Variants in NCOA1 observed in about 807,000 individuals in gnomAD.
The protein encoded by NCOA1 is nuclear receptor coactivator 1.
In NCOA1, 35 loss-of-function variants were observed where a neutral mutation model predicts 150.9. The observed-to-expected ratio is 0.23, with a 90% CI of 0.18 to 0.31. NCOA1 has a LOEUF of 0.31. Ranked by LOEUF, NCOA1 falls within the 10% of genes least tolerant of loss-of-function variation. The pLI is 1.00. For missense variants in NCOA1, 1,491 were observed against 1,749.3 expected (o/e 0.85, Z 2.63); for synonymous variants, 590 against 630.0 (o/e 0.94, Z 0.95).
intron 7 of NCOA1, among the ~76,000 whole-genome samples, chr2:24,674,585 A>T (rs2148522496): frequency 6.6e-6 from 1 of 152,272 alleles, no homozygotes; most frequent in African/African-American, 2.4e-5. Context: ...CGCACATCTA[A>T]TGAGAGGGTA....
At chr2:24,722,447 T>C (rs1258128196) in intron 14 of NCOA1, among the ~76,000 whole-genome samples, 1 of 152,228 alleles carries the variant, frequency 6.6e-6, no homozygotes, top group Admixed American at 6.5e-5. Flanking sequence ...TTTTGAAAAT[T>C]TCCAGTCATG....
intron 4 of NCOA1, among the ~76,000 whole-genome samples, chr2:24,654,439 A>AT (rs1361351383): frequency 6.6e-6 from 1 of 152,184 alleles, no homozygotes; most frequent in Non-Finnish European, 1.5e-5. Flanking sequence ...AAAGTATATC[A>AT]TTTTTTATAC....
rs776934570 is a variant in NCOA1, at chr2:24,610,163, C to T, written c.-175+25603C>T. The stretch of plus-strand genomic sequence containing the variant: ...TTTTTTTTTGAGACAGAGTCTCTGT[C>T]GCTCAGGCTGGAGTGCAGTGGCGTG... On this transcript the variant is annotated intron_variant, in intron 3 of 22. Coordinates refer to ENST00000348332, the MANE Select transcript of NCOA1 (RefSeq NM_003743.5). Among the ~76,000 whole-genome samples, 11 of 126,160 alleles carry T rather than the reference C, an allele frequency of 8.7e-5. No individual in the cohort carries two copies. The Admixed American group carries it at 8.9e-4, about 10-fold the overall frequency. 82.8% of individuals were successfully genotyped at this position (126,160 alleles called of 152,430 possible). A position where few individuals can be genotyped will look rare whatever the true frequency, so the allele number is the denominator to read the frequency against.
At chr2:24,653,213 A>T (rs985094760) in intron 4 of NCOA1, among the ~76,000 whole-genome samples, 1 of 152,138 alleles carries the variant, frequency 6.6e-6, no homozygotes, top group African/African-American at 2.4e-5. Context: ...AAATTATTCA[A>T]TCTGTGAGAT....
chr2:24,746,473 C>T (rs1477816332), intron 19 of NCOA1, among the ~76,000 whole-genome samples: 7 of 152,034 alleles, frequency 4.6e-5, no homozygotes, highest in Admixed American at 6.6e-5. Flanking sequence ...ACCCAGGAGG[C>T]GGAGGTTGCA....
At chr2:24,718,130 C>T (rs1013170465) in intron 14 of NCOA1, among the ~76,000 whole-genome samples, 3 of 152,034 alleles carry the variant, frequency 2.0e-5, no homozygotes, top group African/African-American at 7.2e-5. Context: ...GAACTTCTGG[C>T]CTCAAGTGAT....
intron 3 of NCOA1, among the ~76,000 whole-genome samples, chr2:24,637,077 CTTTT>C (rs962970779): frequency 6.7e-6 from 1 of 150,180 alleles, no homozygotes; most frequent in African/African-American, 2.5e-5. Flanking sequence ...TTTTTAAAAT[CTTTT>C]TTTTATTATT....
intron 3 of NCOA1, among the ~76,000 whole-genome samples, chr2:24,599,221 T>C (rs1465417813): frequency 6.6e-6 from 1 of 152,194 alleles, no homozygotes; most frequent in Non-Finnish European, 1.5e-5. Flanking sequence ...TGTACACATG[T>C]GACTCAGATA....
At chr2:24,583,160 A>G (rs1204338416) in intron 2 of NCOA1, among the ~76,000 whole-genome samples, 1 of 152,192 alleles carries the variant, frequency 6.6e-6, no homozygotes, top group Non-Finnish European at 1.5e-5. Context: ...TTTGCAAACT[A>G]TTCTTCTGAT....
intron 1 of NCOA1, among the ~76,000 whole-genome samples, chr2:24,515,967 T>C (rs982239994): frequency 6.6e-6 from 1 of 152,138 alleles, no homozygotes; most frequent in African/African-American, 2.4e-5. Flanking sequence ...ATTCTTTTAG[T>C]TCTACTTCTG....
chr2:24,596,943 C>T (rs1235471240), intron 3 of NCOA1, among the ~76,000 whole-genome samples: 2 of 152,112 alleles, frequency 1.3e-5, no homozygotes, highest in African/African-American at 4.8e-5. Flanking sequence ...ATTCTAAATC[C>T]TATTTTAAGA....
chr2:24,612,964 G>A (rs1166442666), intron 3 of NCOA1, among the ~76,000 whole-genome samples: 9 of 152,020 alleles, frequency 5.9e-5, no homozygotes, highest in Non-Finnish European at 1.2e-4. Flanking sequence ...CAGATTTTTC[G>A]TTTGGCCAGA....
chr2:24,615,106 T>G (rs1668816203), intron 3 of NCOA1, among the ~76,000 whole-genome samples: 1 of 152,242 alleles, frequency 6.6e-6, no homozygotes, highest in Admixed American at 6.5e-5. Flanking sequence ...ATCTTTACAG[T>G]CTTCCAGGTG....
At chr2:24,761,125 G>A (rs1270162140) in intron 21 of NCOA1, among the ~76,000 whole-genome samples, 2 of 152,196 alleles carry the variant, frequency 1.3e-5, no homozygotes, top group Non-Finnish European at 1.5e-5. Context: ...TGGGATTATA[G>A]GCGTGAGCCA....
chr2:24,516,186 CTTTTTTTTTTTTT>C (rs755818385), intron 1 of NCOA1, among the ~76,000 whole-genome samples: 2 of 92,986 alleles, frequency 2.2e-5, no homozygotes, highest in African/African-American at 8.6e-5. Flanking sequence ...TAGGTTTTGC[CTTTTTTTTTTTTT>C]TTTTTTTTTT....
At chr2:24,526,530 A>C (rs1332353357) in intron 1 of NCOA1, among the ~76,000 whole-genome samples, 1 of 152,130 alleles carries the variant, frequency 6.6e-6, no homozygotes, top group Non-Finnish European at 1.5e-5. Context: ...AAAATAGGCT[A>C]TCATTTTTAC....
chr2:24,509,152 C>T (rs1165411505), intron 1 of NCOA1, among the ~76,000 whole-genome samples: 1 of 152,190 alleles, frequency 6.6e-6, no homozygotes, highest in Non-Finnish European at 1.5e-5. Context: ...TGTTTTGTAC[C>T]AGATTATGTG....
intron 3 of NCOA1, among the ~76,000 whole-genome samples, chr2:24,586,184 GAGA>G (rs1405679549): frequency 3.3e-5 from 5 of 149,524 alleles, no homozygotes; most frequent in Non-Finnish European, 5.9e-5. Flanking sequence ...GCTGAGGCAG[GAGA>G]ATGGTGTGAA....
chr2:24,767,993 T>C (rs1665153214), intron 22 of NCOA1: 1 of 1,383,434 alleles, frequency 7.2e-7, no homozygotes, highest in Non-Finnish European at 1.0e-6. Flanking sequence ...ATAGGAGGCG[T>C]GACCATTCCA....
Sources: allele counts gnomAD v4.1 joint callset (sites outside exome capture counted in the v4.1 genomes callset), GRCh38; gene constraint gnomAD v4.1.1; transcripts MANE v1.5; gene names NCBI Gene and HGNC (gene_info 2026-07-23, HGNC 2026-07-21).